EPN2: variants seen among roughly 807,000 people sequenced by gnomAD.
The protein encoded by EPN2 is epsin 2, also known as epsin-2.
A neutral mutation model predicts 61.7 loss-of-function variants in EPN2; 34 were observed. The ratio of observed to expected loss-of-function variants is 0.55; its 90% CI spans 0.42 to 0.73. The LOEUF (loss-of-function observed/expected upper bound fraction) is 0.73, where lower values mean the gene tolerates loss of function less well. Ranked by LOEUF, EPN2 falls within the 30% of genes least tolerant of loss-of-function variation. EPN2 has a pLI of 0.00. For missense variants in EPN2, 714 were observed against 839.2 expected (o/e 0.85, Z 1.84); for synonymous variants, 349 against 353.6 (o/e 0.99, Z 0.15).
At chr17:19,308,364 A>G (rs933512190) in intron 4 of EPN2, 2 of 985,158 alleles carry the variant, frequency 2.0e-6, no homozygotes, top group African/African-American at 1.7e-5. Context: ...ATAAGCCGCC[A>G]TGCCCGGCAC....
In EPN2 at chr17:19,334,254, G is replaced by A. The variant is rs1349249819; in HGVS notation, c.1926G>A (p.Ter642=). 2.1e-6 allele frequency: 3 copies of A among 1,449,540 alleles called. No homozygotes were observed. Among genetic ancestry groups the A allele is most frequent in the Admixed American group, 2.4e-5 (1 of 41,730 alleles). 89.8% of individuals were successfully genotyped at this position (1,449,540 alleles called of 1,614,324 possible). ...ATGTTNPFLL[*] ...GCACAACCAACCCTTTCCTTCTCTA[G>A]TGCCTGGGCCTGGGACCCACCCAGA... Residue 642 remains the stop codon, a stop_retained_variant, in exon 11 of 11, where the codon TAG becomes TAA. Coordinates refer to ENST00000314728, the MANE Select transcript of EPN2 (RefSeq NM_014964.5). This position sits in a 1 kb window ranked among gnomAD's most constrained non-coding sequence, Gnocchi z 4.9.
At chr17:19,300,215 G>A (rs1425545462) in intron 4 of EPN2, among the ~76,000 whole-genome samples, 1 of 152,164 alleles carries the variant, frequency 6.6e-6, no homozygotes, top group Non-Finnish European at 1.5e-5. Context: ...GGACTTAGGA[G>A]CAGAAGCCAT....
chr17:19,240,754 C>T (rs1274458888), intron 1 of EPN2, among the ~76,000 whole-genome samples: 3 of 152,192 alleles, frequency 2.0e-5, no homozygotes, highest in Non-Finnish European at 2.9e-5. Flanking sequence ...GCACTTACGA[C>T]ATTGTCCGTG....
At chr17:19,260,755 C>T (rs1022800631) in intron 1 of EPN2, among the ~76,000 whole-genome samples, 1 of 152,062 alleles carries the variant, frequency 6.6e-6, no homozygotes, top group Admixed American at 6.6e-5. Context: ...CCTCCCTCCT[C>T]CCTGGTAACC....
rs370125548 is a variant in EPN2, at chr17:19,328,700, C to A, written c.1148-11C>A. 1.6e-5 allele frequency: 25 copies of A among 1,595,694 alleles called. No individual in the cohort carries two copies. In the Admixed American group the frequency reaches 4.1e-4, roughly 26 times the overall value. On this transcript the variant is annotated splice_polypyrimidine_tract_variant and intron_variant, in intron 7 of 10. Coordinates refer to ENST00000314728, the MANE Select transcript of EPN2 (RefSeq NM_014964.5). ...AAGGCATTTCTGAGCCCTGACCCTG[C>A]CTTCCAACAGGTACCAAGCCAGCTG... is the stretch of plus-strand genomic sequence containing the variant.
intron 1 of EPN2, among the ~76,000 whole-genome samples, chr17:19,243,959 T>A (rs1017257198): frequency 6.6e-6 from 1 of 152,226 alleles, no homozygotes; most frequent in Non-Finnish European, 1.5e-5. Flanking sequence ...TAGCACCTGC[T>A]GGCTGTGCAG....
intron 1 of EPN2, among the ~76,000 whole-genome samples, chr17:19,242,030 T>C (rs1320992975): frequency 6.6e-6 from 1 of 152,064 alleles, no homozygotes; most frequent in Non-Finnish European, 1.5e-5. Flanking sequence ...ACGAGATTTC[T>C]GGCTCTTTCC....
intron 10 of EPN2, 81 bp downstream of exon 10, chr17:19,332,149 C>A: frequency 9.3e-7 from 1 of 1,069,540 alleles, no homozygotes; most frequent in East Asian, 2.4e-5. Flanking sequence ...GGGCTCTTCC[C>A]ACTGTGTGAC....
chr17:19,251,051 A>G (rs1288495003), intron 1 of EPN2, among the ~76,000 whole-genome samples: 1 of 152,052 alleles, frequency 6.6e-6, no homozygotes, highest in East Asian at 1.9e-4. Context: ...GGCACCCAAC[A>G]CTAGTACATT....
chr17:19,314,551 G>A (rs1906296987), intron 7 of EPN2, among the ~76,000 whole-genome samples: 1 of 152,174 alleles, frequency 6.6e-6, no homozygotes, highest in Admixed American at 6.5e-5. Flanking sequence ...CAAGTGCTTG[G>A]ACTTGGTCCA....
chr17:19,252,067 A>G (rs925939440), intron 1 of EPN2, among the ~76,000 whole-genome samples: 1 of 152,142 alleles, frequency 6.6e-6, no homozygotes, highest in African/African-American at 2.4e-5. Flanking sequence ...TTGTGGTATC[A>G]TGTTGCTGCT....
At chr17:19,250,285 A>G (rs962650656) in intron 1 of EPN2, among the ~76,000 whole-genome samples, 18 of 151,910 alleles carry the variant, frequency 1.2e-4, no homozygotes, top group Non-Finnish European at 2.2e-4. Context: ...TAATAGAGAT[A>G]GGGTTTCACC....
chr17:19,301,753 A>G (rs1251004242), intron 4 of EPN2, among the ~76,000 whole-genome samples: 1 of 152,184 alleles, frequency 6.6e-6, no homozygotes, highest in East Asian at 1.9e-4. Context: ...GCCTCCTGTC[A>G]GAGCATAGCT....
chr17:19,327,720 AAT>A (rs1451368809), intron 7 of EPN2, among the ~76,000 whole-genome samples: 5 of 152,112 alleles, frequency 3.3e-5, no homozygotes, highest in African/African-American at 9.7e-5. Flanking sequence ...ACATATACAT[AAT>A]ATATATGTGT....
intron 7 of EPN2, chr17:19,313,600 A>G: frequency 3.1e-6 from 1 of 324,818 alleles, no homozygotes. Context: ...CGTTACACCC[A>G]GCGTCCCAGC....
chr17:19,290,129 C>G (rs1220856951), intron 4 of EPN2, among the ~76,000 whole-genome samples: 1 of 152,168 alleles, frequency 6.6e-6, no homozygotes, highest in East Asian at 1.9e-4. Context: ...TCACATGATC[C>G]TGGCATGTAG....
At chr17:19,312,231 G>A in intron 6 of EPN2, 87 bp downstream of exon 6, 1 of 906,192 alleles carries the variant, frequency 1.1e-6, no homozygotes, top group Non-Finnish European at 1.8e-6. Flanking sequence ...TGGATGGCGT[G>A]ATGCACAGTG....
chr17:19,246,843 A>G (rs2044957573), intron 1 of EPN2, among the ~76,000 whole-genome samples: 1 of 136,472 alleles, frequency 7.3e-6, no homozygotes. Context: ...ATCTCAGCTC[A>G]CTGCAGGCTC....
At chr17:19,244,819 A>G (rs2044927114) in intron 1 of EPN2, among the ~76,000 whole-genome samples, 1 of 152,124 alleles carries the variant, frequency 6.6e-6, no homozygotes, top group Non-Finnish European at 1.5e-5. Flanking sequence ...ATTTTAAAAA[A>G]CTAAGAGGGG....
Sources: gnomAD v4.1 joint callset for allele counts (sites outside exome capture counted in the v4.1 genomes callset) on GRCh38, gnomAD v4.1.1 for gene constraint, Gnocchi (gnomAD v3.1) non-coding constraint, MANE v1.5 for transcripts, NCBI Gene and HGNC (gene_info 2026-07-23, HGNC 2026-07-21) for gene names.